Variants in MINDY2 observed in about 807,000 individuals in gnomAD.
The protein encoded by MINDY2 is ubiquitin carboxyl-terminal hydrolase MINDY-2.
MINDY2 carries 52 observed loss-of-function variants against 68.2 expected under a neutral mutation model. That is an observed-to-expected ratio of 0.76 (90% CI 0.61 to 0.96). The LOEUF (loss-of-function observed/expected upper bound fraction) is 0.96, where lower values mean the gene tolerates loss of function less well. MINDY2 is among the 40% of genes least tolerant of loss of function. MINDY2 has a pLI of 0.00. For synonymous variants in MINDY2, 372 were observed against 303.0 expected (o/e 1.23, Z -2.36); for missense variants, 881 against 773.4 (o/e 1.14, Z -1.65).
At chr15:58,807,353 C>CTT (rs58768604) in intron 3 of MINDY2, among the ~76,000 whole-genome samples, 23,710 of 108,990 alleles carry the variant, frequency 0.22, 3,288 homozygotes, top group East Asian at 0.6. Flanking sequence ...TTAAAATAGT[C>CTT]TTTTTTTTTT....
chr15:58,810,715 A>G (rs943623359), intron 4 of MINDY2, among the ~76,000 whole-genome samples: 3 of 152,104 alleles, frequency 2.0e-5, no homozygotes, highest in African/African-American at 7.2e-5. Context: ...GACTAACAGG[A>G]CTCCCTGAAA....
intron 1 of MINDY2, among the ~76,000 whole-genome samples, chr15:58,783,785 A>C (rs994469169): frequency 2.0e-5 from 3 of 152,038 alleles, no homozygotes; most frequent in Non-Finnish European, 2.9e-5. Flanking sequence ...CTGTACAAAA[A>C]ATACAAAAAA....
intron 2 of MINDY2, among the ~76,000 whole-genome samples, chr15:58,791,612 G>C (rs1901927322): frequency 7.7e-6 from 1 of 129,604 alleles, no homozygotes; most frequent in Non-Finnish European, 1.6e-5. Flanking sequence ...GCAAGACCCT[G>C]TCTCAAAATA....
rs369058006 is a variant in MINDY2 at position 58,847,284 on chromosome 15, A to T, written c.1369-13A>T. ...ATTTAACAGTCCTTTTTCTTTTGTT[A>T]CTTCTTATTAAGGGTCAACTGTATT... On this transcript the variant is annotated splice_polypyrimidine_tract_variant and intron_variant, in intron 6 of 8. Transcript: ENST00000559228. The T allele has an allele frequency of 5.2e-6, 8 of 1,529,798 alleles. No homozygotes were observed. In the Admixed American group the frequency reaches 9.7e-5, roughly 19 times the overall value. The allele number at this position is 1,529,798 out of a possible 1,614,324, so 94.8% of individuals were successfully genotyped here.
intron 6 of MINDY2, among the ~76,000 whole-genome samples, chr15:58,844,955 C>T (rs890116131): frequency 2.0e-5 from 3 of 149,084 alleles, no homozygotes; most frequent in Non-Finnish European, 4.5e-5. Flanking sequence ...GAAAGGACAA[C>T]CCACAAAATG....
rs780020877 is a variant in MINDY2 at position 58,772,264 on chromosome 15, A to G, written c.840+29A>G. ...CATTCTGCAGCTTTCTACTTCCTAC[A>G]GCTTTTGGGGTGGAGGAAAACGGGG... On this transcript the variant is annotated intron_variant, in intron 1 of 8. Transcript: ENST00000559228. The G allele has an allele frequency of 8.7e-6, 14 of 1,603,928 alleles. No homozygotes were observed. The Admixed American group carries it at 2.0e-4, about 23-fold the overall frequency.
chr15:58,859,602 T>C lies in MINDY2; in HGVS notation c.*4992T>C, dbSNP rs1480274863. 1 of 152,184 alleles carries C rather than the reference T, an allele frequency of 6.6e-6. No individual in the cohort carries two copies. The highest frequency in any genetic ancestry group is 2.4e-5 in the African/African-American group (1 of 41,452). The allele number at this position is 152,184 out of a possible 1,614,324, so 9.4% of individuals were successfully genotyped here. ...TGAGGTTACTCTTCTCAGGTGACAC[T>C]TTAAATATTAAAATCAGAGGCTTCC... On this transcript the variant is annotated 3_prime_UTR_variant, in exon 9 of 9. Transcript: ENST00000559228.
At chr15:58,780,415 G>A (rs1279091631) in intron 1 of MINDY2, among the ~76,000 whole-genome samples, 3 of 151,318 alleles carry the variant, frequency 2.0e-5, no homozygotes, top group Non-Finnish European at 4.4e-5. Flanking sequence ...AAAAAAAAAA[G>A]AAAGAAAATT....
rs2032940653 is a variant in MINDY2, at chr15:58,853,695, C to T, written c.1738-787C>T. Among the ~76,000 whole-genome samples, 4 of 151,540 alleles carry T rather than the reference C, an allele frequency of 2.6e-5. No individual in the cohort carries two copies. The South Asian group carries it at 6.3e-4, about 24-fold the overall frequency. Reference sequence around the variant, plus strand: ...ATTAGCTGGGTGTGGTGGCGTGCACCTGTAGTCCCAGCTACTCGGGAGACT... The same window carrying T: ...ATTAGCTGGGTGTGGTGGCGTGCACTTGTAGTCCCAGCTACTCGGGAGACT... On this transcript the variant is annotated intron_variant, in intron 8 of 8. Transcript: ENST00000559228.
intron 5 of MINDY2, among the ~76,000 whole-genome samples, chr15:58,826,753 C>A (rs2031421222): frequency 6.6e-6 from 1 of 152,190 alleles, no homozygotes; most frequent in Middle Eastern, 3.4e-3. Context: ...CCCCTAATAG[C>A]TTTTAATTTT....
At chr15:58,849,101 T>G (rs1250351777) in intron 7 of MINDY2, among the ~76,000 whole-genome samples, 1 of 151,658 alleles carries the variant, frequency 6.6e-6, no homozygotes, top group Non-Finnish European at 1.5e-5. Context: ...CCCCAACTAC[T>G]CGGGAGGCTG....
intron 1 of MINDY2, among the ~76,000 whole-genome samples, chr15:58,778,963 T>A (rs1900958845): frequency 6.6e-6 from 1 of 152,010 alleles, no homozygotes; most frequent in Non-Finnish European, 1.5e-5. Context: ...GGTTTCAGCA[T>A]GTTGGCCAGG....
At position 58,818,050 on chromosome 15, in the gene MINDY2, T is replaced by C. The variant is rs74021008; in HGVS notation, c.1123-3667T>C. ...TTATGGTATATTCTATGGAATACTG[T>C]ACTACAGTGAAAACAAACATCTGCA... On this transcript the variant is annotated intron_variant, in intron 4 of 8. Transcript: ENST00000559228. Among the ~76,000 whole-genome samples the C allele has an allele frequency of 4.2e-3, 633 of 152,364 alleles. 3 individuals are homozygous for C. The highest frequency in any genetic ancestry group is 0.014 in the African/African-American group (601 of 41,596).
Position 58,857,893 on chromosome 15 carries a change from A to C in MINDY2, c.*3283A>C, listed in dbSNP as rs2033111141. Reference sequence around the variant, plus strand: ...TCTAAGTATATTCCTTAAGGTTAGTAACCAGTCTTTATTAAAAATATAAAA... The same window carrying C: ...TCTAAGTATATTCCTTAAGGTTAGTCACCAGTCTTTATTAAAAATATAAAA... On this transcript the variant is annotated 3_prime_UTR_variant, in exon 9 of 9. Coordinates refer to ENST00000559228, the MANE Select transcript of MINDY2 (RefSeq NM_001040450.3). The C allele has an allele frequency of 6.6e-6, 1 of 152,224 alleles. No homozygotes were observed. Among genetic ancestry groups the C allele is most frequent in the African/African-American group, 2.4e-5 (1 of 41,454 alleles). The allele number at this position is 152,224 out of a possible 1,614,324, so 9.4% of individuals were successfully genotyped here.
In MINDY2 at chr15:58,787,736, C is replaced by CA. The variant is rs5812951; in HGVS notation, c.841-152dup. 6.7e-3 allele frequency among the ~76,000 whole-genome samples: 622 copies of CA among 92,436 alleles called. 3 individuals are homozygous for CA. Among genetic ancestry groups the CA allele is most frequent in the African/African-American group, 0.016 (412 of 25,600 alleles). 60.6% of individuals were successfully genotyped at this position (92,436 alleles called of 152,430 possible). On this transcript the variant is annotated intron_variant, in intron 1 of 8. Coordinates refer to ENST00000559228, the MANE Select transcript of MINDY2 (RefSeq NM_001040450.3). ...TGGGCAACAGAGCGAGAGTCCGTCT[C>CA]AAAAAAAAAAAAAAAAAAGCCTGGC...
At chr15:58,807,835 C>T (rs1022207376) in intron 3 of MINDY2, among the ~76,000 whole-genome samples, 21 of 152,108 alleles carry the variant, frequency 1.4e-4, no homozygotes, top group African/African-American at 5.1e-4. Flanking sequence ...CACTGGGCCC[C>T]ATGCTATTCC....
In MINDY2 at chr15:58,772,380, T is replaced by C. The variant is rs1004714896; in HGVS notation, c.840+145T>C. 7 of 1,288,646 alleles carry C rather than the reference T, an allele frequency of 5.4e-6. No homozygotes were observed. In the South Asian group the frequency reaches 5.7e-5, roughly 10 times the overall value. 79.8% of individuals were successfully genotyped at this position (1,288,646 alleles called of 1,614,324 possible). On this transcript the variant is annotated intron_variant, in intron 1 of 8. Transcript: ENST00000559228. ...CATGAAATTCATTCCAAGACTTCCA[T>C]GTTGAAGGAATATTCCTTTATACAT...
At chr15:58,810,536 C>A in intron 4 of MINDY2, 148 bp downstream of exon 4, 1 of 700,940 alleles carries the variant, frequency 1.4e-6, no homozygotes. Context: ...GAACAGAGTC[C>A]TCCAGACTAC....
Position 58,847,421 on chromosome 15 carries a change from C to T in MINDY2, c.1493C>T (p.Pro498Leu). The change falls in exon 7 of 9, where the codon CCT becomes CTT. Residue 498 changes from proline to leucine, a missense_variant. Pro to Leu is a moderately conservative substitution (Grantham distance 98). Coordinates refer to ENST00000559228, the MANE Select transcript of MINDY2 (RefSeq NM_001040450.3). ...GACTCAGAATTTCATCTTCGACCTC[C>T]TTCAGATCCTGAAACTGTATACAAA... ...FCDSEFHLRP[P>L]SDPETVYKGQ... is the part of the protein sequence containing the mutation. 1 of 1,605,150 alleles carries T rather than the reference C, an allele frequency of 6.2e-7. No homozygotes were observed. Among genetic ancestry groups the T allele is most frequent in the East Asian group, 2.2e-5 (1 of 44,678 alleles).
Sources: allele counts gnomAD v4.1 joint callset (sites outside exome capture counted in the v4.1 genomes callset), GRCh38; gene constraint gnomAD v4.1.1; transcripts MANE v1.5; gene names NCBI Gene and HGNC (gene_info 2026-07-23, HGNC 2026-07-21).